PRKAG2: variants seen among roughly 807,000 people sequenced by gnomAD.
The protein encoded by PRKAG2 is protein kinase AMP-activated non-catalytic subunit gamma 2.
In PRKAG2, 26 loss-of-function variants were observed where a neutral mutation model predicts 69.6. That is an observed-to-expected ratio of 0.37 (90% CI 0.27 to 0.52). PRKAG2 has a LOEUF of 0.52. Ranked by LOEUF, PRKAG2 falls within the 20% of genes least tolerant of loss-of-function variation. The probability of loss-of-function intolerance (pLI) is 0.90; values close to 1 mark genes in which losing one functional copy is unlikely to be tolerated. For missense variants in PRKAG2, 557 were observed against 740.0 expected (o/e 0.75, Z 2.87); for synonymous variants, 293 against 285.0 (o/e 1.03, Z -0.28).
intron 3 of PRKAG2, among the ~76,000 whole-genome samples, chr7:151,745,317 C>T (rs2074206089): frequency 6.6e-6 from 1 of 152,160 alleles, no homozygotes; most frequent in Admixed American, 6.5e-5. Context: ...AGCTCTCCTG[C>T]CGGTTGCAAA....
intron 1 of PRKAG2, among the ~76,000 whole-genome samples, chr7:151,831,504 C>T (rs1371424054): frequency 6.6e-6 from 1 of 152,188 alleles, no homozygotes; most frequent in African/African-American, 2.4e-5. Flanking sequence ...GAGTTTCCCT[C>T]ACTTAATTCT....
intron 3 of PRKAG2, among the ~76,000 whole-genome samples, chr7:151,692,016 A>G (rs557801716): frequency 1.3e-5 from 2 of 152,220 alleles, no homozygotes; most frequent in East Asian, 3.9e-4. Flanking sequence ...GTGGGACCCC[A>G]TCTCTACAAA....
intron 1 of PRKAG2, among the ~76,000 whole-genome samples, chr7:151,826,075 C>T (rs1379167347): frequency 1.3e-5 from 2 of 152,152 alleles, no homozygotes; most frequent in African/African-American, 4.8e-5. Flanking sequence ...TACCTTTTCC[C>T]CAGTTGGTAT....
chr7:151,730,011 G>A (rs1050365399), intron 3 of PRKAG2, among the ~76,000 whole-genome samples: 1 of 152,218 alleles, frequency 6.6e-6, no homozygotes. Flanking sequence ...TGTTTGCCAG[G>A]GGCTGGGGTC....
intron 1 of PRKAG2, among the ~76,000 whole-genome samples, chr7:151,857,129 G>GAAAAAAAAA (rs34768438): frequency 1.6e-5 from 2 of 122,720 alleles, no homozygotes; most frequent in South Asian, 5.5e-4. Context: ...ATCATTGCTG[G>GAAAAAAAAA]AAAAAAAAAA....
chr7:151,620,012 C>T (rs1171402536), intron 5 of PRKAG2, among the ~76,000 whole-genome samples: 2 of 152,076 alleles, frequency 1.3e-5, no homozygotes, highest in Non-Finnish European at 2.9e-5. Flanking sequence ...CAGAGCGAGA[C>T]TCCGTCTCAA....
chr7:151,682,771 G>A (rs1467824983), intron 3 of PRKAG2, among the ~76,000 whole-genome samples: 2 of 150,712 alleles, frequency 1.3e-5, no homozygotes, highest in Non-Finnish European at 3.0e-5. Flanking sequence ...CAATAAAGTC[G>A]AGAACCAGGA....
rs1045604155 is a variant in PRKAG2, at chr7:151,835,666, T to A, written c.114+40841A>T. On this transcript the variant is annotated intron_variant, in intron 1 of 15. Coordinates refer to ENST00000287878, the MANE Select transcript of PRKAG2 (RefSeq NM_016203.4). This position sits in a 1 kb window ranked among gnomAD's most constrained non-coding sequence, Gnocchi z 4.1. The stretch of plus-strand genomic sequence containing the variant: ...CATCACTTGCCAGATAAGGAGAGGT[T>A]GCTGTATGGACAGACACACAAGGAG... Among the ~76,000 whole-genome samples the A allele has an allele frequency of 3.7e-4, 57 of 152,334 alleles. No homozygotes were observed. Among genetic ancestry groups the A allele is most frequent in the Middle Eastern group, 3.4e-3 (1 of 292 alleles).
Position 151,627,757 on chromosome 7 carries a change from C to T in PRKAG2, c.754+4312G>A, listed in dbSNP as rs974242725. ...TGAAGTACAGTGGTGCAACCACATG[C>T]GCTCGGGTGATCCTCCCACCTCAGC... On this transcript the variant is annotated intron_variant, in intron 5 of 15. Coordinates refer to ENST00000287878, the MANE Select transcript of PRKAG2 (RefSeq NM_016203.4). 5.3e-5 allele frequency among the ~76,000 whole-genome samples: 8 copies of T among 152,094 alleles called. No individual in the cohort carries two copies. The East Asian group carries it at 5.8e-4, about 11-fold the overall frequency.
chr7:151,688,051 C>CCCCCCCCCCT (rs1554539800), intron 3 of PRKAG2, among the ~76,000 whole-genome samples: 2 of 145,732 alleles, frequency 1.4e-5, no homozygotes, highest in African/African-American at 5.1e-5. Flanking sequence ...GGCCCCCCCC[C>CCCCCCCCCCT]GGGCTCCTTG....
chr7:151,782,351 G>A (rs189356472), intron 2 of PRKAG2, among the ~76,000 whole-genome samples: 514 of 24,750 alleles, frequency 0.021, 10 homozygotes, highest in East Asian at 0.14. Flanking sequence ...GAGGGAGGGA[G>A]GGAGGGAGGG....
chr7:151,876,652 C>T lies in PRKAG2; in HGVS notation c.-32G>A. On this transcript the variant is annotated 5_prime_UTR_variant, in exon 1 of 16. Coordinates refer to ENST00000287878, the MANE Select transcript of PRKAG2 (RefSeq NM_016203.4). ...AACCAGAAGTTGATTCTGCGAAACT[C>T]CTCGGGGGTTCGGTCCCCTCCTTCC... 6.3e-7 allele frequency: 1 copy of T among 1,594,674 alleles called. No individual in the cohort carries two copies. The highest frequency in any genetic ancestry group is 1.1e-5 in the South Asian group (1 of 90,882).
chr7:151,658,904 C>T (rs1829898434), intron 4 of PRKAG2, among the ~76,000 whole-genome samples: 1 of 152,152 alleles, frequency 6.6e-6, no homozygotes. Context: ...TGACAATGAT[C>T]TGCTGAGTCA....
intron 6 of PRKAG2, among the ~76,000 whole-genome samples, chr7:151,577,298 A>G (rs1252851177): frequency 6.6e-6 from 1 of 152,204 alleles, no homozygotes; most frequent in Non-Finnish European, 1.5e-5. Flanking sequence ...ATCTCACTTA[A>G]CACTCATAAC....
In PRKAG2 at chr7:151,568,833, A is replaced by G. The variant is rs1359495243; in HGVS notation, c.1116T>C (p.Asp372=). 2 of 1,613,808 alleles carry G rather than the reference A, an allele frequency of 1.2e-6. No homozygotes were observed. Among genetic ancestry groups the G allele is most frequent in the African/African-American group, 2.7e-5 (2 of 74,942 alleles). The stretch of plus-strand genomic sequence containing the variant: ...TATTTTTGATCAAGGAGTATACAGC[A>G]TCGAAGAGGCTGTGGGAGAAGTCAT... ...VNISPDASLF[D]AVYSLIKNKI... is the part of the protein sequence containing the mutation. Residue 372 remains aspartate (D), a synonymous_variant, in exon 11 of 16, where the codon GAT becomes GAC. Coordinates refer to ENST00000287878, the MANE Select transcript of PRKAG2 (RefSeq NM_016203.4).
intron 1 of PRKAG2, among the ~76,000 whole-genome samples, chr7:151,809,037 C>T (rs1217076735): frequency 6.6e-6 from 1 of 152,170 alleles, no homozygotes; most frequent in Non-Finnish European, 1.5e-5. Flanking sequence ...TGGAAGATGC[C>T]AGTGAGCACG....
chr7:151,688,257 C>T (rs925371425), intron 3 of PRKAG2, among the ~76,000 whole-genome samples: 4 of 152,182 alleles, frequency 2.6e-5, no homozygotes, highest in Non-Finnish European at 4.4e-5. Context: ...GGTGGCCCAT[C>T]CTGCCTGAGC....
At chr7:151,844,528 C>T (rs1391940879) in intron 1 of PRKAG2, among the ~76,000 whole-genome samples, 1 of 152,162 alleles carries the variant, frequency 6.6e-6, no homozygotes, top group South Asian at 2.1e-4. Context: ...TCCCCATGAG[C>T]GAATCACAAA....
At chr7:151,747,576 A>AAC (rs2074369614) in intron 3 of PRKAG2, among the ~76,000 whole-genome samples, 1 of 151,918 alleles carries the variant, frequency 6.6e-6, no homozygotes, top group African/African-American at 2.4e-5. Flanking sequence ...CCAACCAACC[A>AAC]AACAAACAAA....
Sources: gnomAD v4.1 joint callset for allele counts (sites outside exome capture counted in the v4.1 genomes callset) on GRCh38, gnomAD v4.1.1 for gene constraint, Gnocchi (gnomAD v3.1) non-coding constraint, MANE v1.5 for transcripts, NCBI Gene and HGNC (gene_info 2026-07-23, HGNC 2026-07-21) for gene names.